SLC4A10: variants seen among roughly 807,000 people sequenced by gnomAD.
SLC4A10 encodes the protein solute carrier family 4 member 10.
In SLC4A10, 42 loss-of-function variants were observed where a neutral mutation model predicts 137.7. That is an observed-to-expected ratio of 0.30 (90% CI 0.24 to 0.39). SLC4A10 has a LOEUF of 0.39. Ranked by LOEUF, SLC4A10 falls within the 10% of genes least tolerant of loss-of-function variation. The probability of loss-of-function intolerance (pLI) is 1.00; values close to 1 mark genes in which losing one functional copy is unlikely to be tolerated. For missense variants in SLC4A10, 925 were observed against 1,355.0 expected, an observed-to-expected ratio of 0.68 and a Z score of 4.98; for synonymous variants, 474 against 464.1, an observed-to-expected ratio of 1.02 and a Z score of -0.27.
At chr2:161,625,415 A>C (rs2032121430) in intron 1 of SLC4A10, among the ~76,000 whole-genome samples, 1 of 147,550 alleles carries the variant, frequency 6.8e-6, no homozygotes, top group Non-Finnish European at 1.5e-5. Flanking sequence ...AGGAAAAAAG[A>C]AAAAAAAAAC....
chr2:161,818,842 T>A (rs559059831), intron 3 of SLC4A10, among the ~76,000 whole-genome samples: 1 of 152,340 alleles, frequency 6.6e-6, no homozygotes, highest in African/African-American at 2.4e-5. Context: ...TTGATCATGG[T>A]GGATAAGTTT....
Position 161,950,715 on chromosome 2 carries a change from T to C in SLC4A10, c.2408T>C (p.Val803Ala). 2 of 1,592,348 alleles carry C rather than the reference T, an allele frequency of 1.3e-6. No individual in the cohort carries two copies. The highest frequency in any genetic ancestry group is 1.7e-6 in the Non-Finnish European group (2 of 1,168,214). Residue 803 changes from valine (V) to alanine (A), a missense_variant, in exon 19 of 27, where the codon GTT becomes GCT. This residue lies in a region of SLC4A10 where 82 missense variants were observed against 151.4 expected (regional missense o/e 0.54). Coordinates refer to ENST00000446997, the MANE Select transcript of SLC4A10 (RefSeq NM_001178015.2). ...ACTAGAGATGATCGTGGCTGGTTTG[T>C]TACGCCTTTAGGTCCAAACCCATGG... ...KPTRDDRGWF[V>A]TPLGPNPWWT...
At chr2:161,639,880 A>G (rs1040670891) in intron 1 of SLC4A10, among the ~76,000 whole-genome samples, 1 of 152,154 alleles carries the variant, frequency 6.6e-6, no homozygotes, top group South Asian at 2.1e-4. Flanking sequence ...AACCCTACGC[A>G]CTTCACCAAA....
At position 161,886,513 on chromosome 2, in the gene SLC4A10, G is replaced by T. The variant is rs951450613; in HGVS notation, c.1194+4069G>T. Among the ~76,000 whole-genome samples, 3 of 151,884 alleles carry T rather than the reference G, an allele frequency of 2.0e-5. No homozygotes were observed. In the East Asian group the frequency reaches 5.8e-4, roughly 29 times the overall value. The stretch of plus-strand genomic sequence containing the variant: ...CATATTGCAGTCTGACTTTGGCACC[G>T]TCATTCTACTTAAACTGCTCTCAAT... On this transcript the variant is annotated intron_variant, in intron 10 of 26. Transcript: ENST00000446997.
rs61732696 is a variant in SLC4A10, at chr2:161,905,871, C to T, written c.1981C>T (p.Leu661=). 1.4e-3 allele frequency: 2,175 copies of T among 1,611,104 alleles called. 5 individuals are homozygous for T. The highest frequency in any genetic ancestry group is 2.1e-3 in the South Asian group (187 of 90,566). ...AATCAACATGCATAATGATCTGGAA[C>T]TGCTGACACAATACTCGTAAGTACC... is the stretch of plus-strand genomic sequence containing the variant. The part of the protein sequence containing the change: ...YPINMHNDLE[L]LTQYSCNCVE... Residue 661 remains leucine, a synonymous_variant, in exon 15 of 27, where the codon CTG becomes TTG. Transcript: ENST00000446997.
At chr2:161,746,379 C>G (rs2048384603) in intron 1 of SLC4A10, among the ~76,000 whole-genome samples, 1 of 151,858 alleles carries the variant, frequency 6.6e-6, no homozygotes, top group African/African-American at 2.4e-5. Context: ...TACCCCAGGC[C>G]TGTGATGACT....
At chr2:161,931,900 C>A (rs1458100903) in intron 15 of SLC4A10, among the ~76,000 whole-genome samples, 1 of 152,110 alleles carries the variant, frequency 6.6e-6, no homozygotes, top group Non-Finnish European at 1.5e-5. Context: ...TAAAAGTATA[C>A]CTATATACAC....
At chr2:161,974,016 A>G (rs1345840974) in intron 23 of SLC4A10, among the ~76,000 whole-genome samples, 1 of 152,218 alleles carries the variant, frequency 6.6e-6, no homozygotes, top group African/African-American at 2.4e-5. Context: ...AGTGACATGA[A>G]GGAGATTGTT....
At chr2:161,685,668 A>T (rs2124869962) in intron 1 of SLC4A10, among the ~76,000 whole-genome samples, 1 of 151,958 alleles carries the variant, frequency 6.6e-6, no homozygotes, top group South Asian at 2.1e-4. Context: ...AGGTTTAGTG[A>T]GATTGAACAA....
chr2:161,858,558 T>C (rs1238032830), intron 5 of SLC4A10, among the ~76,000 whole-genome samples: 4 of 152,210 alleles, frequency 2.6e-5, no homozygotes, highest in African/African-American at 7.2e-5. Flanking sequence ...TCTCCAGATA[T>C]ATCTTCTTAC....
At chr2:161,709,449 T>C (rs1559079932) in intron 1 of SLC4A10, among the ~76,000 whole-genome samples, 1 of 151,614 alleles carries the variant, frequency 6.6e-6, no homozygotes, top group East Asian at 1.9e-4. Flanking sequence ...ATTTCTCAGA[T>C]CTATTGAAAT....
intron 1 of SLC4A10, among the ~76,000 whole-genome samples, chr2:161,770,537 T>G (rs1286665687): frequency 1.3e-5 from 2 of 151,930 alleles, no homozygotes; most frequent in East Asian, 3.9e-4. Flanking sequence ...ATCCCATTTT[T>G]AATGACAGTG....
intron 4 of SLC4A10, among the ~76,000 whole-genome samples, chr2:161,844,419 A>G (rs566691345): frequency 2.0e-5 from 3 of 152,194 alleles, no homozygotes; most frequent in Admixed American, 6.5e-5. Flanking sequence ...TCCCCTTAAG[A>G]TGACTATAGG....
At position 161,900,754 on chromosome 2, in the gene SLC4A10, A is replaced by T. The variant is rs182292752; in HGVS notation, c.1342-157A>T. On this transcript the variant is annotated intron_variant, in intron 11 of 26. Coordinates refer to ENST00000446997, the MANE Select transcript of SLC4A10 (RefSeq NM_001178015.2). ...AAGAAACTAACACTTTAAAAGGCTA[A>T]ATAACTTCCTGGAGGTCAAGCAACA... Among the ~76,000 whole-genome samples, 664 of 152,256 alleles carry T rather than the reference A, an allele frequency of 4.4e-3. 6 individuals are homozygous for T. The highest frequency in any genetic ancestry group is 7.8e-3 in the Non-Finnish European group (530 of 68,012).
At chr2:161,837,237 T>G (rs2058874960) in intron 3 of SLC4A10, among the ~76,000 whole-genome samples, 1 of 152,092 alleles carries the variant, frequency 6.6e-6, no homozygotes, top group South Asian at 2.1e-4. Context: ...TTAGAAATAA[T>G]AAGTAAGTTT....
chr2:161,898,695 G>A (rs368809135), intron 11 of SLC4A10, among the ~76,000 whole-genome samples: 46 of 152,174 alleles, frequency 3.0e-4, no homozygotes, highest in African/African-American at 1.1e-3. Flanking sequence ...TCCCTTTTGT[G>A]TACCCTCAAC....
intron 21 of SLC4A10, among the ~76,000 whole-genome samples, chr2:161,962,790 T>C (rs989109037): frequency 6.6e-6 from 1 of 152,126 alleles, no homozygotes; most frequent in African/African-American, 2.4e-5. Flanking sequence ...TAGGTTTATG[T>C]TGAGTTTGAG....
At chr2:161,955,978 T>C (rs1695593466) in intron 19 of SLC4A10, among the ~76,000 whole-genome samples, 1 of 152,216 alleles carries the variant, frequency 6.6e-6, no homozygotes, top group East Asian at 1.9e-4. Context: ...TTGCTTATTG[T>C]GTGCCAATGA....
At chr2:161,738,178 G>A (rs923334271) in intron 1 of SLC4A10, among the ~76,000 whole-genome samples, 29 of 152,306 alleles carry the variant, frequency 1.9e-4, no homozygotes, top group African/African-American at 5.8e-4. Context: ...AGCACTGTAA[G>A]AAACCAATGG....
Sources: gnomAD v4.1 joint callset for allele counts (sites outside exome capture counted in the v4.1 genomes callset) on GRCh38, gnomAD v4.1.1 for gene constraint, gnomAD v4.1.1 regional missense constraint, MANE v1.5 for transcripts, NCBI Gene and HGNC (gene_info 2026-07-23, HGNC 2026-07-21) for gene names.